The following BDP1 variants were observed in gnomAD, a reference collection of about 807,000 sequenced individuals.
The protein encoded by BDP1 is BDP1 general transcription factor IIIB subunit.
A neutral mutation model predicts 266.6 loss-of-function variants in BDP1; 169 were observed. The observed-to-expected ratio is 0.63, with a 90% confidence interval of 0.56 to 0.72. BDP1 has a LOEUF of 0.72. Among genes scored for constraint, BDP1 ranks in the 30% least tolerant of loss-of-function variants. The pLI, the probability that BDP1 is intolerant of heterozygous loss-of-function variation, is 0.00. For missense variants in BDP1, 3,015 were observed against 3,053.8 expected (o/e 0.99, Z 0.30); for synonymous variants, 1,090 against 1,022.4 (o/e 1.07, Z -1.26).
intron 22 of BDP1, among the ~76,000 whole-genome samples, chr5:71,519,017 A>G (rs1765364063): frequency 6.6e-6 from 1 of 151,426 alleles, no homozygotes; most frequent in Non-Finnish European, 1.5e-5. Context: ...ATGGGGTTTC[A>G]CCATGTTGGC....
chr5:71,504,487 A>G lies in BDP1; in HGVS notation c.2242-134A>G, dbSNP rs1052308165. 6 of 766,672 alleles carry G rather than the reference A, an allele frequency of 7.8e-6. No individual in the cohort carries two copies. The East Asian group carries it at 8.4e-5, about 11-fold the overall frequency. The allele number at this position is 766,672 out of a possible 1,614,324, so 47.5% of individuals were successfully genotyped here. A position where few individuals can be genotyped will look rare whatever the true frequency, so the allele number is the denominator to read the frequency against. ...CTAAGATAGCTAAAGAAAAAACATT[A>G]AAAGTATTTTAAAGTCTCCATTTTA... On this transcript the variant is annotated intron_variant, in intron 15 of 38. Coordinates refer to ENST00000358731, the MANE Select transcript of BDP1 (RefSeq NM_018429.3).
chr5:71,473,991 T>C (rs979164848), intron 7 of BDP1, among the ~76,000 whole-genome samples: 5 of 152,016 alleles, frequency 3.3e-5, no homozygotes, highest in Non-Finnish European at 7.4e-5. Context: ...ATACATTTCG[T>C]TTTTTTTGAC....
intron 26 of BDP1, among the ~76,000 whole-genome samples, chr5:71,534,576 T>C (rs981866078): frequency 9.2e-5 from 14 of 152,052 alleles, no homozygotes; most frequent in African/African-American, 3.4e-4. Context: ...CTCAGCTCAC[T>C]GCAAGCTCCG....
rs1766804909 is a variant in BDP1, at chr5:71,539,079, G to A, written c.5929+1G>A. ...AGTGAACATATCCAAGATGAACCAGGTAACTGTTATCAAGGAAACTGCTAA... is the reference window on the plus strand; with the variant it reads ...AGTGAACATATCCAAGATGAACCAGATAACTGTTATCAAGGAAACTGCTAA... On this transcript the variant is annotated splice_donor_variant, in intron 27 of 38. Coordinates refer to ENST00000358731, the MANE Select transcript of BDP1 (RefSeq NM_018429.3). LOFTEE classifies it high-confidence loss of function. 1 of 1,600,140 alleles carries A rather than the reference G, an allele frequency of 6.2e-7. No individual in the cohort carries two copies. The highest frequency in any genetic ancestry group is 8.5e-7 in the Non-Finnish European group (1 of 1,171,344).
chr5:71,495,454 G>C, intron 12 of BDP1, 46 bp downstream of exon 12: 1 of 1,313,718 alleles, frequency 7.6e-7, no homozygotes. Flanking sequence ...TTTTGATAAG[G>C]TTCTTAAATG....
At chr5:71,517,863 C>G (rs1405904256) in intron 22 of BDP1, among the ~76,000 whole-genome samples, 2 of 151,984 alleles carry the variant, frequency 1.3e-5, no homozygotes, top group African/African-American at 2.4e-5. Context: ...TCCAGGAGTT[C>G]AAGACCAGCC....
intron 22 of BDP1, among the ~76,000 whole-genome samples, chr5:71,521,291 G>GTT (rs1206948176): frequency 2.7e-4 from 36 of 133,514 alleles, no homozygotes; most frequent in Admixed American, 6.9e-4. Context: ...GTTTATATTA[G>GTT]TTTTTTTTTT....
chr5:71,460,619 CACA>C (rs1398862536), intron 2 of BDP1, among the ~76,000 whole-genome samples: 4 of 152,080 alleles, frequency 2.6e-5, no homozygotes, highest in Admixed American at 1.3e-4. Flanking sequence ...ATGTAAGCCT[CACA>C]ACAATTGCTT....
Position 71,486,541 on chromosome 5 carries a change from C to A in BDP1, c.1127C>A (p.Ala376Asp). ...GCTCATTTGCTTCAGAAAGTTCTTG[C>A]TGAAGAAGAGAAAAGAAAACAAAAA... is the stretch of plus-strand genomic sequence containing the variant. ...FFAHLLQKVLAEEEKRKQKSV... is the reference protein window; with the variant it reads ...FFAHLLQKVLDEEEKRKQKSV... Residue 376 changes from alanine (A) to aspartate (D), a missense_variant, in exon 9 of 39, where the codon GCT (alanine) becomes GAT (aspartate). Ala to Asp is a moderately radical substitution (Grantham distance 126). Around this residue, in one of 3 missense-constraint regions of BDP1, gnomAD observed 2,383 missense variants for 2,404.9 expected, o/e 0.99. Transcript: ENST00000358731. 1.3e-6 allele frequency: 2 copies of A among 1,540,804 alleles called. No individual in the cohort carries two copies. The highest frequency in any genetic ancestry group is 1.3e-5 in the South Asian group (1 of 77,500).
In BDP1 at chr5:71,506,422, G is replaced by T. The variant is rs553579958; in HGVS notation, c.2372+1671G>T. Among the ~76,000 whole-genome samples the T allele has an allele frequency of 1.1e-4, 17 of 152,138 alleles. No individual in the cohort carries two copies. The South Asian group carries it at 3.1e-3, about 28-fold the overall frequency. ...CCCCCTCTCCTACTCCACATATGTTGGCCTGTTCAAGATGCTATGTAAGAG... is the reference window on the plus strand; with the variant it reads ...CCCCCTCTCCTACTCCACATATGTTTGCCTGTTCAAGATGCTATGTAAGAG... On this transcript the variant is annotated intron_variant, in intron 16 of 38. Transcript: ENST00000358731.
downstream of BDP1, among the ~76,000 whole-genome samples, chr5:71,568,500 G>C (rs893269209): frequency 6.6e-6 from 1 of 152,134 alleles, no homozygotes; most frequent in South Asian, 2.1e-4. Context: ...ATGGGGTTTC[G>C]CTTTGTTGCC....
intron 13 of BDP1, among the ~76,000 whole-genome samples, chr5:71,497,955 ATT>A (rs778350116): frequency 1.4e-5 from 2 of 144,194 alleles, no homozygotes; most frequent in African/African-American, 2.5e-5. Context: ...AACCCAGATA[ATT>A]TTTTTTTTTT....
chr5:71,560,535 G>A (rs1244771452), intron 37 of BDP1, among the ~76,000 whole-genome samples: 1 of 152,148 alleles, frequency 6.6e-6, no homozygotes, highest in Non-Finnish European at 1.5e-5. Context: ...ACCATGTTCA[G>A]TAGCTACTAA....
the BDP1 span, among the ~76,000 whole-genome samples, chr5:71,576,775 C>T: frequency 6.6e-6 from 1 of 152,170 alleles, no homozygotes; most frequent in Non-Finnish European, 1.5e-5. Flanking sequence ...CCCAGTCGGC[C>T]GCCCAGATTG....
chr5:71,533,069 C>A (rs1248515887), intron 26 of BDP1, among the ~76,000 whole-genome samples: 3 of 152,092 alleles, frequency 2.0e-5, no homozygotes, highest in African/African-American at 7.2e-5. Context: ...CTTAATGTAA[C>A]ATTTTTTACT....
intron 8 of BDP1, among the ~76,000 whole-genome samples, chr5:71,484,187 T>C (rs368980687): frequency 1.3e-5 from 2 of 152,158 alleles, no homozygotes; most frequent in East Asian, 3.9e-4. Flanking sequence ...AGGAACTGTA[T>C]GGGAGGAGAT....
intron 26 of BDP1, among the ~76,000 whole-genome samples, chr5:71,532,935 C>T (rs1766345014): frequency 6.6e-6 from 1 of 152,232 alleles, no homozygotes; most frequent in African/African-American, 2.4e-5. Flanking sequence ...CTACTCCTTT[C>T]CTCCCAACCC....
At chr5:71,519,486 G>A (rs565208641) in intron 22 of BDP1, among the ~76,000 whole-genome samples, 3 of 151,946 alleles carry the variant, frequency 2.0e-5, no homozygotes, top group African/African-American at 4.8e-5. Context: ...CTAGCCTCTG[G>A]TGAGCACCAT....
intron 17 of BDP1, 29 bp from the exon 18 acceptor site, chr5:71,512,212 G>T: frequency 8.4e-7 from 1 of 1,192,714 alleles, no homozygotes. Context: ...TCTTTTATTT[G>T]TGCTGATTTA....
Sources: allele counts gnomAD v4.1 joint callset (sites outside exome capture counted in the v4.1 genomes callset), GRCh38; gene constraint gnomAD v4.1.1; regional missense constraint gnomAD v4.1.1; transcripts MANE v1.5; gene names NCBI Gene and HGNC (gene_info 2026-07-23, HGNC 2026-07-21).